The following ZFAND3 variants were observed in gnomAD, a reference collection of about 807,000 sequenced individuals.
ZFAND3 encodes AN1-type zinc finger protein 3.
A neutral mutation model predicts 29.6 loss-of-function variants in ZFAND3; 10 were observed. The ratio of observed to expected loss-of-function variants is 0.34; its 90% CI spans 0.21 to 0.57. ZFAND3 has a LOEUF of 0.57. Ranked by LOEUF, ZFAND3 falls within the 20% of genes least tolerant of loss-of-function variation. ZFAND3 has a pLI of 0.86. For synonymous variants in ZFAND3, 128 were observed against 112.6 expected, an observed-to-expected ratio of 1.14 and a Z score of -0.87; for missense variants, 230 against 304.5, an observed-to-expected ratio of 0.76 and a Z score of 1.82.
At chr6:38,041,767 TCC>T (rs1763784132) in intron 2 of ZFAND3, among the ~76,000 whole-genome samples, 1 of 2,568 alleles carries the variant, frequency 3.9e-4, no homozygotes, top group African/African-American at 4.7e-4. Flanking sequence ...CTCCTCCTCC[TCC>T]TCCTCCTCCT....
chr6:38,077,117 CT>C (rs531841469), intron 3 of ZFAND3, among the ~76,000 whole-genome samples: 4,594 of 139,190 alleles, frequency 0.033, 164 homozygotes, highest in African/African-American at 0.089. Context: ...TTATTTTGTC[CT>C]TTTTTTTTTT....
intron 1 of ZFAND3, among the ~76,000 whole-genome samples, chr6:37,822,664 C>T (rs182476513): frequency 7.6e-4 from 116 of 152,204 alleles, no homozygotes; most frequent in African/African-American, 2.6e-3. Context: ...GGGCACCTAC[C>T]CTAGCTGGGG....
chr6:37,908,395 A>G (rs929161688), intron 1 of ZFAND3, among the ~76,000 whole-genome samples: 34 of 152,132 alleles, frequency 2.2e-4, no homozygotes, highest in African/African-American at 7.0e-4. Flanking sequence ...CATAATGTCA[A>G]GTTCTCCCCT....
chr6:38,002,526 A>G (rs967878546), intron 2 of ZFAND3, among the ~76,000 whole-genome samples: 13 of 152,098 alleles, frequency 8.5e-5, no homozygotes, highest in Middle Eastern at 6.8e-3. Context: ...AAAAAATCCA[A>G]AAATTAGCCT....
chr6:37,967,523 G>A (rs1046714743), intron 2 of ZFAND3, among the ~76,000 whole-genome samples: 1 of 152,056 alleles, frequency 6.6e-6, no homozygotes, highest in African/African-American at 2.4e-5. Flanking sequence ...ATTACCATTG[G>A]GGTGTTGCTA....
chr6:37,984,413 C>T (rs1057366614), intron 2 of ZFAND3, among the ~76,000 whole-genome samples: 1 of 152,178 alleles, frequency 6.6e-6, no homozygotes, highest in African/African-American at 2.4e-5. Context: ...GTGGCAGAGC[C>T]ATGGGTTGGA....
At chr6:38,108,719 C>T (rs750137816) in intron 4 of ZFAND3, among the ~76,000 whole-genome samples, 1 of 152,210 alleles carries the variant, frequency 6.6e-6, no homozygotes, top group African/African-American at 2.4e-5. Context: ...CTTCCTCTCC[C>T]ATTCCACCAA....
Position 38,054,218 on chromosome 6 carries a change from CAAAAA to C in ZFAND3, c.113-7359_113-7355del, listed in dbSNP as rs34198332. Among the ~76,000 whole-genome samples, 3 of 112,030 alleles carry C rather than the reference CAAAAA, an allele frequency of 2.7e-5. No homozygotes were observed. The East Asian group carries it at 8.1e-4, about 30-fold the overall frequency. 73.5% of individuals were successfully genotyped at this position (112,030 alleles called of 152,430 possible). ...CAACATAGTGAGACTCCATCTCTATCAAAAAAAAAAAAAAAAAAAATTTAAGGTAG... is the reference window on the plus strand; with the variant it reads ...CAACATAGTGAGACTCCATCTCTATCAAAAAAAAAAAAAAATTTAAGGTAG... On this transcript the variant is annotated intron_variant, in intron 2 of 5. Coordinates refer to ENST00000287218, the MANE Select transcript of ZFAND3 (RefSeq NM_021943.3).
intron 2 of ZFAND3, among the ~76,000 whole-genome samples, chr6:38,044,088 G>A (rs1034112873): frequency 1.3e-5 from 2 of 152,158 alleles, no homozygotes; most frequent in African/African-American, 4.8e-5. Context: ...TCTTGTATAC[G>A]TAATTGTGGC....
chr6:37,869,888 T>C (rs1408559635), intron 1 of ZFAND3, among the ~76,000 whole-genome samples: 1 of 152,082 alleles, frequency 6.6e-6, no homozygotes, highest in Admixed American at 6.5e-5. Flanking sequence ...TTGTTTGCCC[T>C]GATGTTTGCT....
At chr6:37,951,573 C>T (rs1761999175) in intron 2 of ZFAND3, among the ~76,000 whole-genome samples, 1 of 151,776 alleles carries the variant, frequency 6.6e-6, no homozygotes, top group Non-Finnish European at 1.5e-5. Flanking sequence ...CCAGCCTGGG[C>T]GACAGGGAGA....
chr6:37,895,567 T>TA (rs1315906865), intron 1 of ZFAND3, among the ~76,000 whole-genome samples: 1 of 151,014 alleles, frequency 6.6e-6, no homozygotes, highest in Non-Finnish European at 1.5e-5. Flanking sequence ...GGAATACAGT[T>TA]ATATTTATTG....
chr6:37,828,656 CT>C (rs56234016), intron 1 of ZFAND3, among the ~76,000 whole-genome samples: 1 of 149,546 alleles, frequency 6.7e-6, no homozygotes, highest in Non-Finnish European at 1.5e-5. Context: ...ATTTTCTTTT[CT>C]TTTTTTTTTG....
intron 1 of ZFAND3, among the ~76,000 whole-genome samples, chr6:37,851,643 C>G (rs1210152323): frequency 1.3e-5 from 2 of 152,046 alleles, no homozygotes; most frequent in Non-Finnish European, 2.9e-5. Flanking sequence ...ACCCTGAATC[C>G]TAAAATAGAA....
At chr6:37,848,849 G>A (rs1764230230) in intron 1 of ZFAND3, among the ~76,000 whole-genome samples, 1 of 152,056 alleles carries the variant, frequency 6.6e-6, no homozygotes, top group South Asian at 2.1e-4. Flanking sequence ...TTATAATGAT[G>A]CTGAAGACAA....
intron 1 of ZFAND3, among the ~76,000 whole-genome samples, chr6:37,895,922 AC>A (rs1765195258): frequency 6.6e-6 from 1 of 152,100 alleles, no homozygotes; most frequent in African/African-American, 2.4e-5. Flanking sequence ...TGAGCACTCT[AC>A]CCTGTGTCCT....
chr6:37,848,347 G>A (rs1764219873), intron 1 of ZFAND3, among the ~76,000 whole-genome samples: 1 of 152,234 alleles, frequency 6.6e-6, no homozygotes, highest in Admixed American at 6.5e-5. Context: ...TGGACAGATT[G>A]AGGCCAGGTA....
chr6:37,944,628 T>C (rs1314447328), intron 2 of ZFAND3, among the ~76,000 whole-genome samples: 1 of 152,246 alleles, frequency 6.6e-6, no homozygotes, highest in Non-Finnish European at 1.5e-5. Flanking sequence ...TGTTTTGACC[T>C]ACAGCGTATA....
intron 3 of ZFAND3, among the ~76,000 whole-genome samples, chr6:38,072,316 C>G (rs749984122): frequency 3.3e-5 from 5 of 152,248 alleles, no homozygotes; most frequent in Non-Finnish European, 7.4e-5. Flanking sequence ...TCAAAAGTCC[C>G]TTAAGAAGTC....
Sources: gnomAD v4.1 joint callset for allele counts (sites outside exome capture counted in the v4.1 genomes callset) on GRCh38, gnomAD v4.1.1 for gene constraint, MANE v1.5 for transcripts, NCBI Gene and HGNC (gene_info 2026-07-23, HGNC 2026-07-21) for gene names.